RAP1B: variants seen among roughly 807,000 people sequenced by gnomAD.
RAP1B encodes the protein ras-related protein Rap-1b.
RAP1B carries 1 observed loss-of-function variant against 27.5 expected under a neutral mutation model. That is an observed-to-expected ratio of 0.04 (90% CI 0.01 to 0.17). The LOEUF (loss-of-function observed/expected upper bound fraction) is 0.17, where lower values mean the gene tolerates loss of function less well. Among genes scored for constraint, RAP1B ranks in the 10% least tolerant of loss-of-function variants. RAP1B has a pLI of 1.00. For synonymous variants in RAP1B, 75 were observed against 73.1 expected, an observed-to-expected ratio of 1.03 and a Z score of -0.13; for missense variants, 84 against 214.8, an observed-to-expected ratio of 0.39 and a Z score of 3.81.
chr12:68,642,595 G>T, intron 1 of RAP1B: 1 of 1,017,714 alleles, frequency 9.8e-7, no homozygotes, highest in Non-Finnish European at 1.6e-6. Flanking sequence ...CTTCGTTCAA[G>T]TCCTCAGTGG....
intron 1 of RAP1B, among the ~76,000 whole-genome samples, chr12:68,633,737 G>T (rs1306279176): frequency 2.6e-5 from 4 of 152,188 alleles, no homozygotes; most frequent in Non-Finnish European, 4.4e-5. Flanking sequence ...AGGCATGGTG[G>T]CGTGTGCTCG....
At position 68,642,062 on chromosome 12, in the gene RAP1B, G is replaced by A. The variant is rs142361654; in HGVS notation, c.-26-6637G>A. 6.7e-3 allele frequency among the ~76,000 whole-genome samples: 1,018 copies of A among 152,206 alleles called. 10 individuals carry two copies. Among genetic ancestry groups the A allele is most frequent in the African/African-American group, 0.023 (967 of 41,516 alleles). On this transcript the variant is annotated intron_variant, in intron 1 of 7. Transcript: ENST00000250559. ...TATGCTACAGTCTTTTCTGTTTAACGCGTTGAGTAAAATGAAGATCCAGGA... is the reference window on the plus strand; with the variant it reads ...TATGCTACAGTCTTTTCTGTTTAACACGTTGAGTAAAATGAAGATCCAGGA...
chr12:68,630,380 G>T (rs987337116), intron 1 of RAP1B, among the ~76,000 whole-genome samples: 4 of 152,100 alleles, frequency 2.6e-5, no homozygotes, highest in Non-Finnish European at 5.9e-5. Flanking sequence ...AACTTTATGA[G>T]TGTGACTGTG....
intron 7 of RAP1B, 117 bp from the exon 8 acceptor site, chr12:68,659,163 C>T (rs1874452698): frequency 2.4e-6 from 1 of 424,974 alleles, no homozygotes; most frequent in Admixed American, 2.7e-5. Context: ...ATGCCTAGAA[C>T]AAGAGCCTAG....
intron 5 of RAP1B, 34 bp downstream of exon 5, chr12:68,654,286 C>G: frequency 7.6e-7 from 1 of 1,314,240 alleles, no homozygotes; most frequent in Non-Finnish European, 1.0e-6. Context: ...TATTTTATTT[C>G]AAAACCCTGA....
At chr12:68,647,650 G>T (rs1287107351) in intron 1 of RAP1B, among the ~76,000 whole-genome samples, 1 of 151,262 alleles carries the variant, frequency 6.6e-6, no homozygotes, top group African/African-American at 2.4e-5. Context: ...GAAGTTCCAT[G>T]GTTGGCAAAC....
Position 68,665,238 on chromosome 12 carries a change from A to G in RAP1B, c.*5989A>G, listed in dbSNP as rs187905377. 3.9e-5 allele frequency: 6 copies of G among 152,386 alleles called. No homozygotes were observed. The highest frequency in any genetic ancestry group is 1.2e-4 in the African/African-American group (5 of 41,590). The allele number at this position is 152,386 out of a possible 1,614,324, so 9.4% of individuals were successfully genotyped here. ...AAATGAGACTAATAGTAAATGTTACATAACTAAAGCAACAGATTTGCCAGC... is the reference window on the plus strand; with the variant it reads ...AAATGAGACTAATAGTAAATGTTACGTAACTAAAGCAACAGATTTGCCAGC... On this transcript the variant is annotated 3_prime_UTR_variant, in exon 8 of 8. Coordinates refer to ENST00000250559, the MANE Select transcript of RAP1B (RefSeq NM_001010942.3).
Position 68,661,776 on chromosome 12 carries a change from G to C in RAP1B, c.*2527G>C, listed in dbSNP as rs1442814597. The C allele has an allele frequency of 1.3e-5, 2 of 151,962 alleles. No homozygotes were observed. Among genetic ancestry groups the C allele is most frequent in the Non-Finnish European group, 2.9e-5 (2 of 68,018 alleles). The allele number at this position is 151,962 out of a possible 1,614,324, so 9.4% of individuals were successfully genotyped here. A position where few individuals can be genotyped will look rare whatever the true frequency, so the allele number is the denominator to read the frequency against. ...TGGTGAAGAACTACTGCTCTGGTGG[G>C]AAACAACACATTAGTTACAGATGAG... is the stretch of plus-strand genomic sequence containing the variant. On this transcript the variant is annotated 3_prime_UTR_variant, in exon 8 of 8. Coordinates refer to ENST00000250559, the MANE Select transcript of RAP1B (RefSeq NM_001010942.3).
chr12:68,655,675 A>T (rs1323836994), intron 5 of RAP1B, among the ~76,000 whole-genome samples: 2 of 151,728 alleles, frequency 1.3e-5, no homozygotes, highest in Non-Finnish European at 2.9e-5. Context: ...AGCTGGAATT[A>T]CAGGCGTGTG....
rs184426899 is a variant in RAP1B at position 68,647,229 on chromosome 12, T to A, written c.-26-1470T>A. Among the ~76,000 whole-genome samples the A allele has an allele frequency of 2.7e-3, 413 of 152,080 alleles. 2 individuals are homozygous for A. Among genetic ancestry groups the A allele is most frequent in the Non-Finnish European group, 4.4e-3 (301 of 67,964 alleles). ...CACCACACCCAGCTAATTTTTGTCT[T>A]TTTTTGTAGAAACAGGGTTTTGAAG... is the stretch of plus-strand genomic sequence containing the variant. On this transcript the variant is annotated intron_variant, in intron 1 of 7. Transcript: ENST00000250559.
At chr12:68,645,082 T>G (rs1873310006) in intron 1 of RAP1B, among the ~76,000 whole-genome samples, 1 of 152,246 alleles carries the variant, frequency 6.6e-6, no homozygotes, top group Admixed American at 6.5e-5. Context: ...TCCTTATTCT[T>G]TCTTTAATTT....
At chr12:68,652,550 C>CA (rs774543411) in intron 4 of RAP1B, among the ~76,000 whole-genome samples, 1 of 152,154 alleles carries the variant, frequency 6.6e-6, no homozygotes, top group Non-Finnish European at 1.5e-5. Context: ...CGCAGTGGCT[C>CA]ACGCCTGTAA....
At chr12:68,649,044 A>G (rs1158093388) in intron 2 of RAP1B, 3 of 363,478 alleles carry the variant, frequency 8.3e-6, no homozygotes, top group South Asian at 7.4e-5. Flanking sequence ...GTACAAATAC[A>G]TGTCTTTTTG....
intron 1 of RAP1B, among the ~76,000 whole-genome samples, chr12:68,641,669 A>G (rs1179976127): frequency 6.6e-6 from 1 of 152,164 alleles, no homozygotes; most frequent in Non-Finnish European, 1.5e-5. Flanking sequence ...TCAAATTAGG[A>G]ATCTTTAAAT....
At position 68,670,240 on chromosome 12, in the gene RAP1B, A is replaced by G. The variant is rs1247778777; in HGVS notation, c.*10991A>G. The G allele has an allele frequency of 6.6e-6, 1 of 152,138 alleles. No individual in the cohort carries two copies. The highest frequency in any genetic ancestry group is 2.4e-5 in the African/African-American group (1 of 41,438). 9.4% of individuals were successfully genotyped at this position (152,138 alleles called of 1,614,324 possible). ...TGTGAGCCACTGTGCCCGGCCGACA[A>G]AAATATATTTCAATAGAAAATAGTA... is the stretch of plus-strand genomic sequence containing the variant. On this transcript the variant is annotated 3_prime_UTR_variant, in exon 8 of 8. Transcript: ENST00000250559.
chr12:68,618,652 G>A (rs1359705962), intron 1 of RAP1B, among the ~76,000 whole-genome samples: 1 of 152,122 alleles, frequency 6.6e-6, no homozygotes, highest in Non-Finnish European at 1.5e-5. Context: ...AACAGTGGTG[G>A]ATAAAACTTC....
intron 1 of RAP1B, among the ~76,000 whole-genome samples, chr12:68,647,652 T>C (rs1380667884): frequency 6.6e-6 from 1 of 151,754 alleles, no homozygotes; most frequent in East Asian, 1.9e-4. Flanking sequence ...AGTTCCATGG[T>C]TGGCAAACTT....
chr12:68,639,794 C>T (rs1872870155), intron 1 of RAP1B, among the ~76,000 whole-genome samples: 1 of 152,054 alleles, frequency 6.6e-6, no homozygotes, highest in African/African-American at 2.4e-5. Flanking sequence ...ACTCCCAAAT[C>T]CAAATTTAAC....
In RAP1B at chr12:68,654,355, G is replaced by GGA. The variant is rs1555173472; in HGVS notation, c.324+104_324+105insAG. On this transcript the variant is annotated intron_variant, in intron 5 of 7. Transcript: ENST00000250559. Reference sequence around the variant, plus strand: ...TTAAAGCTTGTGTATTTTGGTTGGGGGGGGGGTGTTGGTTTTTTTAAACTT... The same window carrying GGA: ...TTAAAGCTTGTGTATTTTGGTTGGGGGAGGGGGGTGTTGGTTTTTTTAAACTT... 4.3e-6 allele frequency: 2 copies of GGA among 464,256 alleles called. 1 individual carries two copies. Among genetic ancestry groups the GGA allele is most frequent in the African/African-American group, 4.2e-5 (2 of 47,496 alleles). 28.8% of individuals were successfully genotyped at this position (464,256 alleles called of 1,614,324 possible). A position where few individuals can be genotyped will look rare whatever the true frequency, so the allele number is the denominator to read the frequency against.
Sources: allele counts gnomAD v4.1 joint callset (sites outside exome capture counted in the v4.1 genomes callset), GRCh38; gene constraint gnomAD v4.1.1; transcripts MANE v1.5; gene names NCBI Gene and HGNC (gene_info 2026-07-23, HGNC 2026-07-21).